CNOT10: variants seen among roughly 807,000 people sequenced by gnomAD.
CNOT10 encodes the protein CCR4-NOT transcription complex subunit 10, also known as CCR4-NOT transcription complex, subunit 10.
A neutral mutation model predicts 94.6 loss-of-function variants in CNOT10; 30 were observed. That is an observed-to-expected ratio of 0.32 (90% confidence interval 0.24 to 0.43). The LOEUF (loss-of-function observed/expected upper bound fraction) is 0.43, where lower values mean the gene tolerates loss of function less well. Ranked by LOEUF, CNOT10 falls within the 20% of genes least tolerant of loss-of-function variation. The pLI is 1.00. For synonymous variants in CNOT10, 289 were observed against 301.6 expected (o/e 0.96, Z 0.43); for missense variants, 759 against 877.2 (o/e 0.87, Z 1.70).
At position 32,764,688 on chromosome 3, in the gene CNOT10, A is replaced by C; in HGVS notation, c.1883A>C (p.Lys628Thr). ...CTACACTCTTTTTCCCCAGCTGGTA[A>C]GCGGGCCCCTCAGTGCTACCCCAGT... Reference protein sequence around the residue: ...GENEAMESSGKRAPQCYPSSV... With the variant: ...GENEAMESSGTRAPQCYPSSV... The change falls in exon 17 of 19, where the codon AAG becomes ACG. Residue 628 changes from lysine to threonine, a missense_variant. By Grantham distance (78) the Lys-to-Thr change is moderately conservative. This residue lies in a region of CNOT10 where 682 missense variants were observed against 799.4 expected (regional missense o/e 0.85). Coordinates refer to ENST00000328834, the MANE Select transcript of CNOT10 (RefSeq NM_015442.3). The C allele has an allele frequency of 6.2e-7, 1 of 1,613,882 alleles. No individual in the cohort carries two copies. The highest frequency in any genetic ancestry group is 8.5e-7 in the Non-Finnish European group (1 of 1,179,968).
At chr3:32,696,738 C>T (rs531116832) in intron 1 of CNOT10, among the ~76,000 whole-genome samples, 10 of 151,628 alleles carry the variant, frequency 6.6e-5, no homozygotes, top group South Asian at 6.2e-4. Context: ...AGCAGGACTA[C>T]GGGCATGTGC....
At chr3:32,690,968 A>G (rs1344269788) in intron 1 of CNOT10, among the ~76,000 whole-genome samples, 1 of 148,800 alleles carries the variant, frequency 6.7e-6, no homozygotes, top group East Asian at 2.0e-4. Flanking sequence ...ATATTTTACC[A>G]TATTTGCTTC....
At chr3:32,714,434 C>T (rs919386581) in intron 5 of CNOT10, among the ~76,000 whole-genome samples, 13 of 151,124 alleles carry the variant, frequency 8.6e-5, no homozygotes, top group South Asian at 2.1e-4. Flanking sequence ...CATGGCTGGG[C>T]GTGGTAGCTC....
At chr3:32,720,080 C>A in intron 7 of CNOT10, 34 bp from the exon 8 acceptor site, 1 of 1,185,546 alleles carries the variant, frequency 8.4e-7, no homozygotes, top group Non-Finnish European at 1.2e-6. Context: ...CGTCTGAAAA[C>A]AAATTATAAG....
At chr3:32,716,457 G>A in intron 6 of CNOT10, 146 bp downstream of exon 6, 2 of 480,384 alleles carry the variant, frequency 4.2e-6, no homozygotes, top group Non-Finnish European at 7.5e-6. Flanking sequence ...TAGTTTAGAA[G>A]CACATTTATC....
At chr3:32,710,413 G>A (rs1697833002) in intron 4 of CNOT10, among the ~76,000 whole-genome samples, 4 of 151,548 alleles carry the variant, frequency 2.6e-5, no homozygotes, top group Admixed American at 2.0e-4. Context: ...CACATCCATA[G>A]CCTCCCTCAT....
intron 7 of CNOT10, among the ~76,000 whole-genome samples, chr3:32,718,362 A>G (rs1224191718): frequency 6.7e-6 from 1 of 148,434 alleles, no homozygotes; most frequent in Non-Finnish European, 1.5e-5. Context: ...AGGCGGGCGG[A>G]TCACGAGGTC....
At chr3:32,694,735 G>A (rs1167425657) in intron 1 of CNOT10, among the ~76,000 whole-genome samples, 1 of 152,040 alleles carries the variant, frequency 6.6e-6, no homozygotes, top group African/African-American at 2.4e-5. Context: ...GATTATAGGT[G>A]CGCACCACCA....
intron 13 of CNOT10, among the ~76,000 whole-genome samples, chr3:32,740,514 C>T (rs1334335974): frequency 2.6e-5 from 4 of 152,106 alleles, no homozygotes; most frequent in East Asian, 3.9e-4. Context: ...AGTAAAGATA[C>T]AGAACTTTTT....
rs1358454794 is a variant in CNOT10, at chr3:32,759,351, TG to T, written c.1596-105del. 4.1e-6 allele frequency: 3 copies of T among 727,358 alleles called. No homozygotes were observed. The Admixed American group carries it at 7.0e-5, about 17-fold the overall frequency. 45.1% of individuals were successfully genotyped at this position (727,358 alleles called of 1,614,324 possible). On this transcript the variant is annotated intron_variant, in intron 13 of 18. Coordinates refer to ENST00000328834, the MANE Select transcript of CNOT10 (RefSeq NM_015442.3). Reference sequence around the variant, plus strand: ...TACCGTGGCTTCCTCTCCTCTTTCCTGGTGTCCAGATTGTCACAGCTAAAGG... The same window carrying T: ...TACCGTGGCTTCCTCTCCTCTTTCCTGTGTCCAGATTGTCACAGCTAAAGG...
intron 13 of CNOT10, among the ~76,000 whole-genome samples, chr3:32,754,493 C>T (rs532025083): frequency 0.9 from 68,008 of 75,762 alleles, 30,379 homozygotes; most frequent in Admixed American, 0.92. Flanking sequence ...AAAAAAAATA[C>T]ATATATATAT....
chr3:32,692,233 T>C (rs890694778), intron 1 of CNOT10, among the ~76,000 whole-genome samples: 3 of 152,016 alleles, frequency 2.0e-5, no homozygotes, highest in African/African-American at 7.2e-5. Flanking sequence ...TGTGGTGGCA[T>C]GTGCCTGTAG....
intron 10 of CNOT10, chr3:32,730,924 G>A (rs1250927737): frequency 6.6e-6 from 1 of 152,114 alleles, no homozygotes; most frequent in African/African-American, 2.4e-5. Flanking sequence ...ACACTTTCTG[G>A]CTATCGGTGC....
intron 11 of CNOT10, among the ~76,000 whole-genome samples, chr3:32,734,033 G>C (rs1699071374): frequency 6.6e-6 from 1 of 152,144 alleles, no homozygotes; most frequent in Admixed American, 6.6e-5. Flanking sequence ...GCCATTATTT[G>C]TAAAGTGGCA....
chr3:32,742,662 G>A (rs1473929777), intron 13 of CNOT10, among the ~76,000 whole-genome samples: 10 of 152,260 alleles, frequency 6.6e-5, no homozygotes, highest in East Asian at 1.9e-4. Context: ...GATCATAGGC[G>A]TGAGCCACCG....
intron 1 of CNOT10, among the ~76,000 whole-genome samples, chr3:32,690,059 C>T (rs138558219): frequency 1.4e-4 from 21 of 152,192 alleles, no homozygotes; most frequent in African/African-American, 4.8e-4. Context: ...GTATGTTGGG[C>T]GTTACAGGCC....
intron 1 of CNOT10, chr3:32,693,543 CTTTTT>C: frequency 7.3e-6 from 1 of 136,486 alleles, no homozygotes; most frequent in Non-Finnish European, 1.6e-5. Context: ...ATATATTGGT[CTTTTT>C]TTTTTTTTTT....
In CNOT10 at chr3:32,751,542, C is replaced by T. The variant is rs576869008; in HGVS notation, c.1596-7916C>T. ...AATTATAAAGCTTAATTAGTTCTTT[C>T]AGACTCTAATGTGACAGTCAGTGAA... is the stretch of plus-strand genomic sequence containing the variant. On this transcript the variant is annotated intron_variant, in intron 13 of 18. Transcript: ENST00000328834. Among the ~76,000 whole-genome samples the T allele has an allele frequency of 1.1e-4, 17 of 152,302 alleles. No homozygotes were observed. In the South Asian group the frequency reaches 3.5e-3, roughly 32 times the overall value.
At chr3:32,702,497 T>C (rs1697397956) in intron 1 of CNOT10, among the ~76,000 whole-genome samples, 1 of 152,230 alleles carries the variant, frequency 6.6e-6, no homozygotes, top group South Asian at 2.1e-4. Flanking sequence ...TGAATTTATA[T>C]GGACACTTAA....
Sources: gnomAD v4.1 joint callset for allele counts (sites outside exome capture counted in the v4.1 genomes callset) on GRCh38, gnomAD v4.1.1 for gene constraint, gnomAD v4.1.1 regional missense constraint, MANE v1.5 for transcripts, NCBI Gene and HGNC (gene_info 2026-07-23, HGNC 2026-07-21) for gene names.